The following URI1 variants were observed in gnomAD, a reference collection of about 807,000 sequenced individuals.
URI1 encodes the protein URI1 prefoldin like chaperone, also known as unconventional prefoldin RPB5 interactor 1.
Under a neutral mutation model 60.2 loss-of-function variants are expected in URI1, and 39 were observed. That is an observed-to-expected ratio of 0.65 (90% CI 0.50 to 0.85). The LOEUF (loss-of-function observed/expected upper bound fraction) is 0.85, where lower values mean the gene tolerates loss of function less well. Ranked by LOEUF, URI1 falls within the 40% of genes least tolerant of loss-of-function variation. The probability of loss-of-function intolerance (pLI) is 0.00; values close to 1 mark genes in which losing one functional copy is unlikely to be tolerated. For synonymous variants in URI1, 251 were observed against 236.8 expected (o/e 1.06, Z -0.55); for missense variants, 691 against 665.9 (o/e 1.04, Z -0.42).
intron 1 of URI1, among the ~76,000 whole-genome samples, chr19:29,966,430 T>C (rs1189112314): frequency 1.3e-5 from 2 of 152,128 alleles, no homozygotes; most frequent in African/African-American, 4.8e-5. Flanking sequence ...GCCACTCTGC[T>C]CAGGCTATGG....
intron 2 of URI1, among the ~76,000 whole-genome samples, chr19:29,979,918 G>A (rs1204886537): frequency 6.6e-6 from 1 of 152,060 alleles, no homozygotes; most frequent in Non-Finnish European, 1.5e-5. Context: ...TTTAATTCAA[G>A]TACATTTAAA....
upstream of URI1, among the ~76,000 whole-genome samples, chr19:29,941,709 G>C (rs2055026126): frequency 6.6e-6 from 1 of 151,610 alleles, no homozygotes; most frequent in African/African-American, 2.4e-5. Context: ...ATTAAAATTA[G>C]TACAGTAGCT....
chr19:29,945,044 G>A (rs1470869241), intron 1 of URI1, among the ~76,000 whole-genome samples: 1 of 152,076 alleles, frequency 6.6e-6, no homozygotes, highest in Non-Finnish European at 1.5e-5. Flanking sequence ...GTGGCACTTA[G>A]TATTCCTTTA....
intron 9 of URI1, 120 bp downstream of exon 9, chr19:30,011,356 C>A (rs373999929): frequency 1.1e-5 from 15 of 1,315,380 alleles, no homozygotes; most frequent in Non-Finnish European, 1.5e-5. Flanking sequence ...GTGAAGTGTT[C>A]TGAGGAGTTA....
chr19:29,959,403 A>G (rs537861438), intron 1 of URI1, among the ~76,000 whole-genome samples: 14 of 152,326 alleles, frequency 9.2e-5, no homozygotes, highest in African/African-American at 2.6e-4. Context: ...GATGGACTAC[A>G]GGCTAGTCAG....
chr19:30,005,787 T>C lies in URI1; in HGVS notation c.517+79T>C, dbSNP rs1040910066. 3.0e-6 allele frequency: 4 copies of C among 1,351,716 alleles called. No homozygotes were observed. The African/African-American group carries it at 5.9e-5, about 20-fold the overall frequency. The allele number at this position is 1,351,716 out of a possible 1,614,324, so 83.7% of individuals were successfully genotyped here. A position where few individuals can be genotyped will look rare whatever the true frequency, so the allele number is the denominator to read the frequency against. Reference sequence around the variant, plus strand: ...GATTTTCAGTGGGCTTTCTGTGAGATATTTGGGATTTAGAATACACTTTTA... The same window carrying C: ...GATTTTCAGTGGGCTTTCTGTGAGACATTTGGGATTTAGAATACACTTTTA... On this transcript the variant is annotated intron_variant, in intron 6 of 10. Coordinates refer to ENST00000392271, the MANE Select transcript of URI1 (RefSeq NM_003796.3).
intron 10 of URI1, chr19:30,014,263 T>G (rs922417428): frequency 1.3e-5 from 2 of 152,154 alleles, no homozygotes; most frequent in African/African-American, 4.8e-5. Flanking sequence ...ACTTCTGATT[T>G]CTGTCATTGA....
At chr19:29,936,078 G>T (rs2054969560) in intron 1 of URI1, among the ~76,000 whole-genome samples, 1 of 150,004 alleles carries the variant, frequency 6.7e-6, no homozygotes, top group South Asian at 2.1e-4. Flanking sequence ...GAGCCACTGT[G>T]CCCGGCACTT....
At chr19:29,990,064 G>C (rs1486497688) in intron 4 of URI1, among the ~76,000 whole-genome samples, 3 of 152,088 alleles carry the variant, frequency 2.0e-5, no homozygotes, top group Non-Finnish European at 4.4e-5. Flanking sequence ...ATTTTTGTTT[G>C]AGGTGTGGGG....
At position 29,956,903 on chromosome 19, in the gene URI1, C is replaced by T. The variant is rs905367505; in HGVS notation, c.117+14239C>T. 1.4e-5 allele frequency: 17 copies of T among 1,219,602 alleles called. No individual in the cohort carries two copies. In the African/African-American group the frequency reaches 2.5e-4, roughly 18 times the overall value. The allele number at this position is 1,219,602 out of a possible 1,614,324, so 75.5% of individuals were successfully genotyped here. A position where few individuals can be genotyped will look rare whatever the true frequency, so the allele number is the denominator to read the frequency against. On this transcript the variant is annotated intron_variant, in intron 1 of 10. Transcript: ENST00000392271. ...GTCCTTCCGCAGGGTTCCTCTGGGG[C>T]CCTTTATGATAACTGTGCGTCCCTT... is the stretch of plus-strand genomic sequence containing the variant.
chr19:29,984,447 C>A (rs2055636720), intron 2 of URI1, among the ~76,000 whole-genome samples: 1 of 151,976 alleles, frequency 6.6e-6, no homozygotes, highest in African/African-American at 2.4e-5. Context: ...TAAATCTCTT[C>A]TTTTTTCATC....
At chr19:29,953,691 G>GC (rs1555737846) in intron 1 of URI1, among the ~76,000 whole-genome samples, 4 of 147,176 alleles carry the variant, frequency 2.7e-5, no homozygotes, top group Non-Finnish European at 6.0e-5. Context: ...TTTCTTATTA[G>GC]TTTTTTTTTT....
At chr19:29,926,291 C>CCTTCCTACCT (rs1491264929) in intron 1 of URI1, among the ~76,000 whole-genome samples, 2,231 of 126,752 alleles carry the variant, frequency 0.018, 30 homozygotes, top group East Asian at 0.028. Flanking sequence ...TTCCTACCTT[C>CCTTCCTACCT]TTTCCTTCAA....
At chr19:29,976,781 T>C (rs541830994) in intron 2 of URI1, among the ~76,000 whole-genome samples, 3 of 152,238 alleles carry the variant, frequency 2.0e-5, no homozygotes, top group Non-Finnish European at 4.4e-5. Flanking sequence ...AAAAATTTAT[T>C]GCCTTGCTTC....
chr19:30,015,658 T>C lies in URI1; in HGVS notation c.*589T>C. The C allele has an allele frequency of 7.1e-7, 1 of 1,400,060 alleles. No individual in the cohort carries two copies. Among genetic ancestry groups the C allele is most frequent in the South Asian group, 1.3e-5 (1 of 75,160 alleles). 86.7% of individuals were successfully genotyped at this position (1,400,060 alleles called of 1,614,324 possible). On this transcript the variant is annotated 3_prime_UTR_variant, in exon 11 of 11. Coordinates refer to ENST00000392271, the MANE Select transcript of URI1 (RefSeq NM_003796.3). ...GGGAAAATTTCTTTGGAAAGATATT[T>C]TGTAAAACTTTTTTTTCCAAGTAAA...
intron 2 of URI1, among the ~76,000 whole-genome samples, chr19:29,978,634 T>A (rs961189781): frequency 1.3e-5 from 2 of 152,204 alleles, no homozygotes; most frequent in African/African-American, 4.8e-5. Flanking sequence ...GAGTGCTTGT[T>A]CTTATTTTGA....
rs545234427 is a variant in URI1, at chr19:30,005,450, G to T, written c.457G>T (p.Asp153Tyr). The change falls in exon 5 of 11, where the codon GAT (aspartate) becomes TAT (tyrosine). Residue 153 changes from aspartate to tyrosine, a missense_variant and splice_region_variant. By Grantham distance (160) the Asp-to-Tyr change is radical. Coordinates refer to ENST00000392271, the MANE Select transcript of URI1 (RefSeq NM_003796.3). ...CACAGAAGATTTGCAGAAAATGAGC[G>T]ATGTGAGTATTTGTTTTTAGTCTTC... The part of the protein sequence containing the change: ...EFTEDLQKMS[D>Y]AAGDIVDIRE... The T allele has an allele frequency of 2.5e-6, 4 of 1,591,168 alleles. No homozygotes were observed. The highest frequency in any genetic ancestry group is 3.4e-6 in the Non-Finnish European group (4 of 1,171,680).
chr19:29,955,285 G>T (rs1248893045), intron 1 of URI1, among the ~76,000 whole-genome samples: 1 of 151,992 alleles, frequency 6.6e-6, no homozygotes, highest in East Asian at 1.9e-4. Context: ...TTTTGTGGTT[G>T]CATAGTGCTT....
At chr19:29,975,194 G>A (rs962300775) in intron 2 of URI1, among the ~76,000 whole-genome samples, 1 of 152,044 alleles carries the variant, frequency 6.6e-6, no homozygotes, top group African/African-American at 2.4e-5. Context: ...CACTAACAGT[G>A]TAAAAGCATT....
Sources: gnomAD v4.1 joint callset for allele counts (sites outside exome capture counted in the v4.1 genomes callset) on GRCh38, gnomAD v4.1.1 for gene constraint, MANE v1.5 for transcripts, NCBI Gene and HGNC (gene_info 2026-07-23, HGNC 2026-07-21) for gene names.